The following PRKN variants were observed in gnomAD, a reference collection of about 807,000 sequenced individuals.
PRKN encodes E3 ubiquitin-protein ligase parkin.
Under a neutral mutation model 59.5 loss-of-function variants are expected in PRKN, and 56 were observed. The observed-to-expected ratio is 0.94, with a 90% confidence interval of 0.76 to 1.18. PRKN has a LOEUF of 1.18. Ranked by LOEUF, PRKN falls within the 50% of genes most tolerant of loss-of-function variation. The pLI is 0.00. For missense variants in PRKN, 657 were observed against 596.4 expected (o/e 1.10, Z -1.06); for synonymous variants, 250 against 222.1 (o/e 1.13, Z -1.12).
intron 7 of PRKN, among the ~76,000 whole-genome samples, chr6:161,616,914 G>T (rs1314877048): frequency 1.3e-5 from 2 of 152,108 alleles, no homozygotes; most frequent in African/African-American, 4.8e-5. Context: ...TAATCATTTG[G>T]GTATATACCC....
chr6:161,822,055 T>C (rs1392261594), intron 6 of PRKN, among the ~76,000 whole-genome samples: 1 of 152,128 alleles, frequency 6.6e-6, no homozygotes, highest in East Asian at 1.9e-4. Context: ...TGCTTGGCTA[T>C]TGACATTTCT....
At chr6:161,777,828 A>G (rs1790013550) in intron 7 of PRKN, among the ~76,000 whole-genome samples, 1 of 137,314 alleles carries the variant, frequency 7.3e-6, no homozygotes, top group African/African-American at 3.1e-5. Flanking sequence ...GTATATATGT[A>G]TATGTATACG....
At chr6:162,563,861 G>C (rs1432976798) in intron 1 of PRKN, among the ~76,000 whole-genome samples, 1 of 151,978 alleles carries the variant, frequency 6.6e-6, no homozygotes, top group Non-Finnish European at 1.5e-5. Flanking sequence ...TTCTGGAGCT[G>C]AAAAACACAA....
chr6:162,414,240 G>A (rs1485659324), intron 2 of PRKN, among the ~76,000 whole-genome samples: 1 of 152,094 alleles, frequency 6.6e-6, no homozygotes, highest in Non-Finnish European at 1.5e-5. Context: ...GAAATGCACA[G>A]AACTTACTGC....
At chr6:162,615,061 G>T (rs1044213485) in intron 1 of PRKN, among the ~76,000 whole-genome samples, 1 of 152,042 alleles carries the variant, frequency 6.6e-6, no homozygotes, top group African/African-American at 2.4e-5. Context: ...TTAATGAGAG[G>T]ATTAAAAACA....
intron 1 of PRKN, among the ~76,000 whole-genome samples, chr6:162,627,549 C>T (rs2846517): frequency 0.61 from 92,993 of 151,572 alleles, 29,238 homozygotes; most frequent in African/African-American, 0.75. Context: ...GAGTTGGAGG[C>T]GAGGGAGACT....
At position 161,753,432 on chromosome 6, in the gene PRKN, A is replaced by G. The variant is rs371278387; in HGVS notation, c.871+32340T>C. On this transcript the variant is annotated intron_variant, in intron 7 of 11. Coordinates refer to ENST00000366898, the MANE Select transcript of PRKN (RefSeq NM_004562.3). ...AGGGGAAAAAAGCCAGGTTGGAAAG[A>G]GAGAAGAAGGAATGGGAGGCAAGTC... Among the ~76,000 whole-genome samples, 20 of 152,330 alleles carry G rather than the reference A, an allele frequency of 1.3e-4. No individual in the cohort carries two copies. The East Asian group carries it at 1.9e-3, about 15-fold the overall frequency.
At chr6:162,521,512 A>G (rs948156484) in intron 1 of PRKN, among the ~76,000 whole-genome samples, 2 of 152,208 alleles carry the variant, frequency 1.3e-5, no homozygotes, top group African/African-American at 4.8e-5. Flanking sequence ...GGTCTTTAGA[A>G]GAAAAACTAG....
intron 5 of PRKN, among the ~76,000 whole-genome samples, chr6:162,051,797 C>A (rs1019066458): frequency 8.5e-5 from 13 of 152,278 alleles, no homozygotes; most frequent in East Asian, 1.9e-4. Context: ...TACCCTGGAG[C>A]AAATCCAGAC....
intron 7 of PRKN, among the ~76,000 whole-genome samples, chr6:161,746,340 C>T (rs778857555): frequency 6.6e-5 from 10 of 151,714 alleles, no homozygotes; most frequent in East Asian, 1.9e-4. Context: ...GGGGACTATC[C>T]GCAGATGGAG....
intron 5 of PRKN, among the ~76,000 whole-genome samples, chr6:161,979,047 G>A (rs1244729748): frequency 6.6e-6 from 1 of 152,074 alleles, no homozygotes; most frequent in East Asian, 1.9e-4. Flanking sequence ...ACCTAACCAG[G>A]AGCTATAATT....
rs1483741698 is a variant in PRKN at position 162,669,468 on chromosome 6, T to C, written c.7+58194A>G. Among the ~76,000 whole-genome samples the C allele has an allele frequency of 2.6e-5, 4 of 152,280 alleles. 1 individual carries two copies. Among genetic ancestry groups the C allele is most frequent in the East Asian group, 3.9e-4 (2 of 5,182 alleles). On this transcript the variant is annotated intron_variant, in intron 1 of 11. Coordinates refer to ENST00000366898, the MANE Select transcript of PRKN (RefSeq NM_004562.3). ...GAATTCAGATTTAACCCTTTGTTAC[T>C]TGAATACGTTTACATATATATTTTT...
intron 6 of PRKN, among the ~76,000 whole-genome samples, chr6:161,948,918 C>T (rs746760265): frequency 3.3e-5 from 5 of 152,154 alleles, no homozygotes; most frequent in Non-Finnish European, 7.4e-5. Context: ...TATAAAAAGT[C>T]GCAGGAAGCT....
intron 4 of PRKN, among the ~76,000 whole-genome samples, chr6:162,114,322 C>T (rs549537961): frequency 2.6e-5 from 4 of 151,588 alleles, no homozygotes; most frequent in Admixed American, 6.6e-5. Context: ...GCCATTTTCA[C>T]GATATTGATT....
At chr6:162,102,834 G>C (rs1363345456) in intron 4 of PRKN, among the ~76,000 whole-genome samples, 2 of 145,678 alleles carry the variant, frequency 1.4e-5, no homozygotes, top group Admixed American at 6.6e-5. Context: ...ACGAGGTCAG[G>C]AGATCGAGAC....
At chr6:161,857,121 C>T (rs528464660) in intron 6 of PRKN, among the ~76,000 whole-genome samples, 46 of 152,032 alleles carry the variant, frequency 3.0e-4, no homozygotes, top group African/African-American at 1.1e-3. Flanking sequence ...CCCAGCTACT[C>T]GGGAGGCTGA....
chr6:162,672,732 AG>A, intron 1 of PRKN, among the ~76,000 whole-genome samples: 1 of 150,542 alleles, frequency 6.6e-6, no homozygotes, highest in South Asian at 2.1e-4. Flanking sequence ...GCATGTGTAT[AG>A]ATATACAGAC....
intron 6 of PRKN, among the ~76,000 whole-genome samples, chr6:161,970,686 T>C (rs1789997): frequency 1 from 151,624 of 151,952 alleles, 75,657 homozygotes; most frequent in Middle Eastern, 1. Context: ...TACAGGCATG[T>C]GCCACTACGC....
chr6:161,739,219 C>T (rs1248063952), intron 7 of PRKN, among the ~76,000 whole-genome samples: 5 of 151,984 alleles, frequency 3.3e-5, no homozygotes, highest in African/African-American at 1.2e-4. Context: ...ACCAGTCTGG[C>T]CAACATGGCA....
Sources: allele counts gnomAD v4.1 joint callset (sites outside exome capture counted in the v4.1 genomes callset), GRCh38; gene constraint gnomAD v4.1.1; transcripts MANE v1.5; gene names NCBI Gene and HGNC (gene_info 2026-07-23, HGNC 2026-07-21).